PTPRN2: variants seen among roughly 807,000 people sequenced by gnomAD.
The protein encoded by PTPRN2 is receptor-type tyrosine-protein phosphatase N2.
In PTPRN2, 74 loss-of-function variants were observed where a neutral mutation model predicts 118.8. The observed-to-expected ratio is 0.62, with a 90% CI of 0.52 to 0.76. The LOEUF (loss-of-function observed/expected upper bound fraction) is 0.76. Among genes scored for constraint, PTPRN2 ranks in the 30% least tolerant of loss-of-function variants. PTPRN2 has a pLI of 0.00. For missense variants in PTPRN2, 1,481 were observed against 1,394.4 expected (o/e 1.06, Z -0.99); for synonymous variants, 641 against 608.0 (o/e 1.05, Z -0.80).
intron 5 of PTPRN2, among the ~76,000 whole-genome samples, chr7:158,177,710 C>T (rs956318864): frequency 2.0e-5 from 3 of 152,226 alleles, no homozygotes; most frequent in Non-Finnish European, 4.4e-5. Flanking sequence ...CAACAGCTCA[C>T]TCCAGTTTAT....
intron 2 of PTPRN2, among the ~76,000 whole-genome samples, chr7:158,407,799 G>A (rs373185497): frequency 6.6e-5 from 10 of 152,328 alleles, no homozygotes; most frequent in South Asian, 2.1e-4. Context: ...TCCTTGCCAC[G>A]AAGCCGATGT....
rs147257936 is a variant in PTPRN2, at chr7:158,566,214, C to T, written c.112+21344G>A. 2.7e-3 allele frequency among the ~76,000 whole-genome samples: 415 copies of T among 152,146 alleles called. 3 individuals are homozygous for T. The highest frequency in any genetic ancestry group is 9.4e-3 in the African/African-American group (390 of 41,510). ...CTAAAAATACAAAAAATTAACTGGG[C>T]GTGGTGGCGGGCACCTGTTATCCCA... On this transcript the variant is annotated intron_variant, in intron 1 of 22. Transcript: ENST00000389418.
intron 10 of PTPRN2, among the ~76,000 whole-genome samples, chr7:158,096,846 A>C (rs1174392839): frequency 6.6e-6 from 1 of 152,220 alleles, no homozygotes; most frequent in Admixed American, 6.5e-5. Flanking sequence ...ATCCAGATGC[A>C]AATGCCATTT....
chr7:158,117,485 A>G (rs949579421), intron 9 of PTPRN2, among the ~76,000 whole-genome samples: 1 of 152,224 alleles, frequency 6.6e-6, no homozygotes, highest in African/African-American at 2.4e-5. Flanking sequence ...GAAAAAAAAG[A>G]GATAAAGGGG....
At chr7:157,771,771 A>G (rs1307491277) in intron 12 of PTPRN2, among the ~76,000 whole-genome samples, 2 of 130,262 alleles carry the variant, frequency 1.5e-5, no homozygotes, top group Non-Finnish European at 3.0e-5. Flanking sequence ...ACACACATGC[A>G]GACACAGACA....
chr7:157,918,518 C>G (rs939979931), intron 11 of PTPRN2, among the ~76,000 whole-genome samples: 5 of 152,150 alleles, frequency 3.3e-5, no homozygotes, highest in South Asian at 2.1e-4. Flanking sequence ...AGGACAGGTG[C>G]CTTCACTCGC....
At chr7:158,042,583 C>T (rs1311563249) in intron 11 of PTPRN2, among the ~76,000 whole-genome samples, 5 of 152,208 alleles carry the variant, frequency 3.3e-5, no homozygotes, top group Non-Finnish European at 5.9e-5. Context: ...TATCCCGTCA[C>T]GGCTGAGTTC....
intron 12 of PTPRN2, among the ~76,000 whole-genome samples, chr7:157,895,046 A>C (rs1333433056): frequency 8.1e-5 from 12 of 148,310 alleles, no homozygotes; most frequent in Admixed American, 1.3e-4. Context: ...ACAAAAGAGG[A>C]CCCCTCCCCC....
At chr7:157,970,537 C>T (rs552250420) in intron 11 of PTPRN2, among the ~76,000 whole-genome samples, 5 of 152,008 alleles carry the variant, frequency 3.3e-5, no homozygotes, top group African/African-American at 1.2e-4. Flanking sequence ...ACCATTGGTG[C>T]GGGTGGGTGG....
chr7:157,799,004 C>A (rs1585497823), intron 12 of PTPRN2, among the ~76,000 whole-genome samples: 2 of 152,218 alleles, frequency 1.3e-5, no homozygotes, highest in South Asian at 4.1e-4. Flanking sequence ...GACTAGGGTG[C>A]TGCCCCCTCC....
intron 2 of PTPRN2, among the ~76,000 whole-genome samples, chr7:158,381,068 G>C (rs1810935249): frequency 6.6e-6 from 1 of 152,216 alleles, no homozygotes; most frequent in African/African-American, 2.4e-5. Context: ...TTCCTCCTGG[G>C]CCTCAGGGCC....
intron 2 of PTPRN2, among the ~76,000 whole-genome samples, chr7:158,409,393 C>T (rs1586602356): frequency 6.6e-6 from 1 of 152,230 alleles, no homozygotes; most frequent in African/African-American, 2.4e-5. Context: ...CAGGCATAAG[C>T]GTGGACCTAC....
intron 1 of PTPRN2, among the ~76,000 whole-genome samples, chr7:158,514,528 C>A (rs1454937254): frequency 6.6e-6 from 1 of 152,162 alleles, no homozygotes; most frequent in African/African-American, 2.4e-5. Flanking sequence ...CCCTGTGAGA[C>A]ACGACACATC....
intron 2 of PTPRN2, among the ~76,000 whole-genome samples, chr7:158,371,104 A>T (rs1461508194): frequency 6.6e-6 from 1 of 152,226 alleles, no homozygotes; most frequent in Non-Finnish European, 1.5e-5. Flanking sequence ...ACCTAGGAAC[A>T]AACTTGACCA....
chr7:158,201,436 A>T (rs998741673), intron 4 of PTPRN2, among the ~76,000 whole-genome samples: 2 of 152,198 alleles, frequency 1.3e-5, no homozygotes, highest in Non-Finnish European at 2.9e-5. Context: ...TTATGAGACA[A>T]AGGGAAAAAA....
chr7:158,003,829 T>C lies in PTPRN2; in HGVS notation c.1723+77469A>G, dbSNP rs1032158632. Among the ~76,000 whole-genome samples the C allele has an allele frequency of 1.3e-5, 2 of 152,164 alleles. No homozygotes were observed. Among genetic ancestry groups the C allele is most frequent in the Admixed American group, 6.5e-5 (1 of 15,284 alleles). ...TGGTAAAACGGGCCTCTGCTTTTTTTAAAGAATAGCTTGTCTAATGACTCT... is the reference window on the plus strand; with the variant it reads ...TGGTAAAACGGGCCTCTGCTTTTTTCAAAGAATAGCTTGTCTAATGACTCT... On this transcript the variant is annotated intron_variant, in intron 11 of 22. Transcript: ENST00000389418. The surrounding 1 kb of genome is among the most constrained non-coding windows in gnomAD (Gnocchi z 5.0).
At chr7:158,430,542 A>G (rs1263108965) in intron 2 of PTPRN2, among the ~76,000 whole-genome samples, 2 of 152,234 alleles carry the variant, frequency 1.3e-5, no homozygotes, top group African/African-American at 4.8e-5. Context: ...TCCCGCTCTG[A>G]GAGTCAAGAT....
At chr7:158,468,027 T>A (rs1235773058) in intron 2 of PTPRN2, among the ~76,000 whole-genome samples, 2 of 152,186 alleles carry the variant, frequency 1.3e-5, no homozygotes, top group Non-Finnish European at 2.9e-5. Flanking sequence ...GCATAAAATC[T>A]CCCGTAAATT....
chr7:158,008,980 C>G (rs1207884977), intron 11 of PTPRN2, among the ~76,000 whole-genome samples: 1 of 152,114 alleles, frequency 6.6e-6, no homozygotes, highest in African/African-American at 2.4e-5. Flanking sequence ...TTCCAAGATG[C>G]TCTTCCTGCC....
Sources: allele counts gnomAD v4.1 joint callset (sites outside exome capture counted in the v4.1 genomes callset), GRCh38; gene constraint gnomAD v4.1.1; non-coding constraint Gnocchi (gnomAD v3.1); transcripts MANE v1.5; gene names NCBI Gene and HGNC (gene_info 2026-07-23, HGNC 2026-07-21).